The following CES2 variants were observed in gnomAD, a reference collection of about 807,000 sequenced individuals.
CES2 encodes carboxylesterase 2, also known as cocaine esterase.
Under a neutral mutation model 52.1 loss-of-function variants are expected in CES2, and 42 were observed. The observed-to-expected ratio is 0.81, with a 90% CI of 0.63 to 1.04. CES2 has a LOEUF of 1.04. CES2 is among the 50% of genes least tolerant of loss of function. The pLI is 0.00. For synonymous variants in CES2, 277 were observed against 289.6 expected, an observed-to-expected ratio of 0.96 and a Z score of 0.44; for missense variants, 656 against 724.3, an observed-to-expected ratio of 0.91 and a Z score of 1.08.
Position 66,937,925 on chromosome 16 carries a change from G to A in CES2, c.77-112G>A. 3 of 851,110 alleles carry A rather than the reference G, an allele frequency of 3.5e-6. 1 individual carries two copies. In the South Asian group the frequency reaches 4.7e-5, roughly 13 times the overall value. The allele number at this position is 851,110 out of a possible 1,614,324, so 52.7% of individuals were successfully genotyped here. On this transcript the variant is annotated intron_variant, in intron 1 of 11. Transcript: ENST00000317091. ...GAAGTTTGTAAAGCCCATGTTTACA[G>A]ATCAGAGTCCCTTGAGCTAAGATGA...
chr16:66,942,402 C>T, intron 9 of CES2, 153 bp downstream of exon 9: 1 of 913,340 alleles, frequency 1.1e-6, no homozygotes, highest in Admixed American at 2.8e-5. Flanking sequence ...CATGGCTAGC[C>T]CAAGAATCCG....
upstream of CES2, chr16:66,935,493 G>C (rs113387875): frequency 6.2e-7 from 1 of 1,613,898 alleles, no homozygotes; most frequent in Non-Finnish European, 8.5e-7. Flanking sequence ...CCCGGCCCAA[G>C]CCAGCGCACC....
chr16:66,941,325 A>C (rs755586469), intron 6 of CES2, 103 bp downstream of exon 6: 68 of 1,538,094 alleles, frequency 4.4e-5, no homozygotes, highest in South Asian at 2.1e-4. Flanking sequence ...CCTCATCTGC[A>C]TGCCTGAGTG....
chr16:66,941,865 C>T lies in CES2; in HGVS notation c.1137+17C>T. On this transcript the variant is annotated intron_variant, in intron 8 of 11. Transcript: ENST00000317091. The stretch of plus-strand genomic sequence containing the variant: ...ACGCTGCTGGTAAGGCTCCTGGGGT[C>T]CCTCGCCAATGGAGACGGGCTCCTC... 6.2e-7 allele frequency: 1 copy of T among 1,614,028 alleles called. No homozygotes were observed. Among genetic ancestry groups the T allele is most frequent in the East Asian group, 2.2e-5 (1 of 44,872 alleles).
At chr16:66,940,182 C>T (rs763302523) in intron 3 of CES2, 40 bp from the exon 4 acceptor site, 3 of 1,607,890 alleles carry the variant, frequency 1.9e-6, no homozygotes, top group South Asian at 2.2e-5. Context: ...GGGGTTTGGG[C>T]TGGGTGGGAG....
chr16:66,941,701 G>A (rs904871542), intron 7 of CES2, 55 bp downstream of exon 7: 40 of 1,613,154 alleles, frequency 2.5e-5, no homozygotes, highest in Non-Finnish European at 3.3e-5. Flanking sequence ...GTAGTGGGGG[G>A]TGTTCAGGGC....
At chr16:66,940,127 G>A in intron 3 of CES2, 95 bp from the exon 4 acceptor site, 1 of 1,524,588 alleles carries the variant, frequency 6.6e-7, no homozygotes, top group Admixed American at 1.8e-5. Context: ...TAATGGGGAG[G>A]TAGACAGAGG....
chr16:66,944,002 G>A lies in CES2; in HGVS notation c.1657G>A (p.Glu553Lys). Residue 553 changes from glutamate to lysine, a missense_variant, in exon 12 of 12, where the codon GAA (glutamate) becomes AAA (lysine). Coordinates refer to ENST00000317091, the MANE Select transcript of CES2 (RefSeq NM_001365405.1). ...AAAGATCCAGGAGCTCGAGGAGCCT[G>A]AAGAGAGACACACAGAGCTGTAGCT... is the stretch of plus-strand genomic sequence containing the variant. Reference protein sequence around the residue: ...PQKIQELEEPEERHTEL With the variant: ...PQKIQELEEPKERHTEL The A allele has an allele frequency of 6.4e-7, 1 of 1,555,550 alleles. No homozygotes were observed. The highest frequency in any genetic ancestry group is 8.8e-7 in the Non-Finnish European group (1 of 1,142,108).
At position 66,940,330 on chromosome 16, in the gene CES2, C is replaced by A. The variant is rs1045963447; in HGVS notation, c.532C>A (p.Arg178Ser). 3.7e-6 allele frequency: 6 copies of A among 1,613,980 alleles called. No individual in the cohort carries two copies. Among genetic ancestry groups the A allele is most frequent in the Non-Finnish European group, 4.2e-6 (5 of 1,180,032 alleles). Residue 178 changes from arginine to serine, a missense_variant, in exon 4 of 12, where the codon CGC (arginine) becomes AGC (serine). Coordinates refer to ENST00000317091, the MANE Select transcript of CES2 (RefSeq NM_001365405.1). The stretch of plus-strand genomic sequence containing the variant: ...CGTGGTGGTGGTCATCATCCAGTAC[C>A]GCCTGGGTGTCCTGGGCTTCTTCAG... ...ENVVVVIIQYRLGVLGFFSTG... is the reference protein window; with the variant it reads ...ENVVVVIIQYSLGVLGFFSTG...
Position 66,943,645 on chromosome 16 carries a change from T to TC in CES2, c.1494-189dup. The TC allele has an allele frequency of 3.4e-6, 2 of 580,110 alleles. No homozygotes were observed. Among genetic ancestry groups the TC allele is most frequent in the Admixed American group, 6.3e-5 (2 of 31,836 alleles). The allele number at this position is 580,110 out of a possible 1,614,324, so 35.9% of individuals were successfully genotyped here. On this transcript the variant is annotated intron_variant, in intron 11 of 11. Coordinates refer to ENST00000317091, the MANE Select transcript of CES2 (RefSeq NM_001365405.1). The surrounding 1 kb of genome is among the most constrained non-coding windows in gnomAD (Gnocchi z 4.2). ...AGGGACACAACAGAGCTGGCTGCCC[T>TC]CCCCCAACCCCCACTGGTGCTGACA... is the stretch of plus-strand genomic sequence containing the variant.
upstream of CES2, chr16:66,935,350 G>A (rs563633909): frequency 1.9e-5 from 25 of 1,336,732 alleles, no homozygotes; most frequent in African/African-American, 3.5e-4. Flanking sequence ...AGGGCTGCAG[G>A]AATGGCACAG....
In CES2 at chr16:66,942,136, GGGAGGAGTACATT is replaced by G; in HGVS notation, c.1172_1184del (p.Glu391GlyfsTer16). 1 of 1,612,164 alleles carries G rather than the reference GGGAGGAGTACATT, an allele frequency of 6.2e-7. No individual in the cohort carries two copies. The highest frequency in any genetic ancestry group is 8.5e-7 in the Non-Finnish European group (1 of 1,178,456). On this transcript the variant is annotated frameshift_variant, in exon 9 of 12. Transcript: ENST00000317091. LOFTEE classifies it high-confidence loss of function. ...CCTCCTACATTTGGTGACCTGCTGA[GGGAGGAGTACATT>G]GGGGACAATGGGGATCCCCAGACCC...
In CES2 at chr16:66,942,950, T is replaced by C. The variant is rs1963401712; in HGVS notation, c.1420+165T>C. Among the ~76,000 whole-genome samples, 3 of 152,162 alleles carry C rather than the reference T, an allele frequency of 2.0e-5. No individual in the cohort carries two copies. The South Asian group carries it at 6.2e-4, about 32-fold the overall frequency. On this transcript the variant is annotated intron_variant, in intron 10 of 11. Transcript: ENST00000317091. ...CCAAAAGCTGCACCAGGATTAGAATTCACGACTCTTCAGACTGTGAGCTGT... is the reference window on the plus strand; with the variant it reads ...CCAAAAGCTGCACCAGGATTAGAATCCACGACTCTTCAGACTGTGAGCTGT...
At chr16:66,941,308 C>T (rs1963357705) in intron 6 of CES2, 86 bp downstream of exon 6, 1 of 1,555,898 alleles carries the variant, frequency 6.4e-7, no homozygotes, top group Non-Finnish European at 8.7e-7. Context: ...ATTCCCTGGG[C>T]ACATTACCTC....
upstream of CES2, chr16:66,935,383 AGCCCGGGCAAAGGAAAGTGGCCGT>A (rs1324231981): frequency 4.0e-6 from 6 of 1,513,698 alleles, no homozygotes; most frequent in Non-Finnish European, 4.5e-6. Context: ...ATGCCAAAGG[AGCCCGGGCAAAGGAAAGTGGCCGT>A]GCCCGGGCCT....
At position 66,941,646 on chromosome 16, in the gene CES2, G is replaced by C. The variant is rs142353517; in HGVS notation, c.1056G>C (p.Lys352Asn). ...ATGAATTCGGCTGGCTCATCCCCAA[G>C]GTGAGCCCCAACCCAAGCCCACAAG... is the stretch of plus-strand genomic sequence containing the variant. ...NNNEFGWLIPKVMRIYDTQKE... is the reference protein window; with the variant it reads ...NNNEFGWLIPNVMRIYDTQKE... Residue 352 changes from lysine to asparagine, a missense_variant and splice_region_variant, in exon 7 of 12, where the codon AAG (lysine) becomes AAC (asparagine). Lys to Asn is a moderately conservative substitution (Grantham distance 94). Transcript: ENST00000317091. 1.4e-5 allele frequency: 22 copies of C among 1,613,822 alleles called. No individual in the cohort carries two copies. The highest frequency in any genetic ancestry group is 1.9e-5 in the Non-Finnish European group (22 of 1,179,916).
Position 66,938,238 on chromosome 16 carries a change from C to T in CES2, c.278C>T (p.Ala93Val). 1.2e-6 allele frequency: 2 copies of T among 1,612,170 alleles called. No homozygotes were observed. The highest frequency in any genetic ancestry group is 1.1e-5 in the South Asian group (1 of 91,032). ...SGVRDGTTHPAMCLQDLTAVE... is the reference protein window; with the variant it reads ...SGVRDGTTHPVMCLQDLTAVE... ...GTGAGGGATGGAACCACCCATCCGGCCATGTAAGCTCTCCAAGGGGTCCAG... is the reference window on the plus strand; with the variant it reads ...GTGAGGGATGGAACCACCCATCCGGTCATGTAAGCTCTCCAAGGGGTCCAG... Residue 93 changes from alanine to valine, a missense_variant, in exon 2 of 12, where the codon GCC becomes GTC. Transcript: ENST00000317091.
At position 66,941,578 on chromosome 16, in the gene CES2, G is replaced by A. The variant is rs765799339; in HGVS notation, c.988G>A (p.Ala330Thr). ...PRHPQELLAS[A>T]DFQPVPSIVG... ...GCACCCCCAGGAGCTGCTGGCCTCT[G>A]CCGACTTTCAGCCTGTCCCTAGCAT... Residue 330 changes from alanine (A) to threonine (T), a missense_variant, in exon 7 of 12, where the codon GCC becomes ACC. Physicochemically the swap from Ala to Thr is moderately conservative, Grantham distance 58 (BLOSUM62 0). Transcript: ENST00000317091. 6.2e-7 allele frequency: 1 copy of A among 1,614,154 alleles called. No individual in the cohort carries two copies. Among genetic ancestry groups the A allele is most frequent in the South Asian group, 1.1e-5 (1 of 91,084 alleles).
In CES2 at chr16:66,938,343, C is replaced by G. The variant is rs1014315460; in HGVS notation, c.281+102C>G. The G allele has an allele frequency of 1.9e-5, 16 of 825,040 alleles. 1 individual carries two copies. The highest frequency in any genetic ancestry group is 3.2e-5 in the Non-Finnish European group (16 of 499,046). The allele number at this position is 825,040 out of a possible 1,614,324, so 51.1% of individuals were successfully genotyped here. ...AGTTATCATTTCATCTAAACCCCCACAGCCAGTTTTCCTTCTGAGTTTCGT... is the reference window on the plus strand; with the variant it reads ...AGTTATCATTTCATCTAAACCCCCAGAGCCAGTTTTCCTTCTGAGTTTCGT... On this transcript the variant is annotated intron_variant, in intron 2 of 11. Coordinates refer to ENST00000317091, the MANE Select transcript of CES2 (RefSeq NM_001365405.1).
Sources: gnomAD v4.1 joint callset for allele counts (sites outside exome capture counted in the v4.1 genomes callset) on GRCh38, gnomAD v4.1.1 for gene constraint, Gnocchi (gnomAD v3.1) non-coding constraint, MANE v1.5 for transcripts, NCBI Gene and HGNC (gene_info 2026-07-23, HGNC 2026-07-21) for gene names.